Variants in DIDO1 observed in about 807,000 individuals in gnomAD.
DIDO1 encodes the protein death inducer-obliterator 1, also known as death-inducer obliterator 1.
A neutral mutation model predicts 99.4 loss-of-function variants in DIDO1; 16 were observed. The observed-to-expected ratio is 0.16, with a 90% CI of 0.11 to 0.24. DIDO1 has a LOEUF of 0.24. Ranked by LOEUF, DIDO1 falls within the 10% of genes least tolerant of loss-of-function variation. DIDO1 has a pLI of 1.00. For synonymous variants in DIDO1, 1,366 were observed against 1,239.1 expected (o/e 1.10, Z -2.15); for missense variants, 2,996 against 3,014.0 (o/e 0.99, Z 0.14).
intron 1 of DIDO1, among the ~76,000 whole-genome samples, chr20:62,935,336 A>G (rs2065371435): frequency 6.6e-6 from 1 of 152,182 alleles, no homozygotes; most frequent in Non-Finnish European, 1.5e-5. Context: ...CAACAAATAA[A>G]TATTTATGGA....
chr20:62,903,357 A>T (rs963374996), intron 6 of DIDO1, among the ~76,000 whole-genome samples: 1 of 152,218 alleles, frequency 6.6e-6, no homozygotes, highest in Non-Finnish European at 1.5e-5. Flanking sequence ...TGTGGGGAGC[A>T]GCAGCGGTAG....
chr20:62,905,366 G>A (rs2064778124), intron 6 of DIDO1: 3 of 1,445,456 alleles, frequency 2.1e-6, no homozygotes, highest in Non-Finnish European at 2.7e-6. Flanking sequence ...TATCTGCCCA[G>A]TCAAAAATAA....
rs2064461884 is a variant in DIDO1 at position 62,894,119 on chromosome 20, A to G, written c.2648T>C (p.Leu883Ser). The G allele has an allele frequency of 6.2e-7, 1 of 1,614,096 alleles. No homozygotes were observed. The highest frequency in any genetic ancestry group is 1.7e-5 in the Admixed American group (1 of 60,012). Residue 883 changes from leucine to serine, a missense_variant, in exon 12 of 16, where the codon TTA becomes TCA. Physicochemically the swap from Leu to Ser is moderately radical, Grantham distance 145. Around this residue, in one of 5 missense-constraint regions of DIDO1, gnomAD observed 898 missense variants for 972.7 expected, o/e 0.92. Coordinates refer to ENST00000395343, the MANE Select transcript of DIDO1 (RefSeq NM_001193369.2). The surrounding 1 kb of genome is among the most constrained non-coding windows in gnomAD (Gnocchi z 4.4). Reference sequence around the variant, plus strand: ...TGCAGAGCTGTCATGCTTTGATTTTAAGTCTTCTTTCTTAACAGAAGCTGA... The same window carrying G: ...TGCAGAGCTGTCATGCTTTGATTTTGAGTCTTCTTTCTTAACAGAAGCTGA... ...KLSASVKKED[L>S]KSKHDSSAPD... is the part of the protein sequence containing the mutation.
In DIDO1 at chr20:62,911,606, C is replaced by T. The variant is rs775414032; in HGVS notation, c.7G>A (p.Asp3Asn). The change falls in exon 3 of 16, where the codon GAC (aspartate) becomes AAC (asparagine). Residue 3 changes from aspartate to asparagine, a missense_variant. Transcript: ENST00000395343. This position sits in a 1 kb window ranked among gnomAD's most constrained non-coding sequence, Gnocchi z 7.0. Reference protein sequence around the residue: MDDKGDPSNEEAP... With the variant: MDNKGDPSNEEAP... ...TCCTCATTGCTCGGGTCGCCTTTGT[C>T]GTCCATACCTAGCGGTAAAGTGTAA... 1.7e-5 allele frequency: 27 copies of T among 1,571,434 alleles called. No individual in the cohort carries two copies. The highest frequency in any genetic ancestry group is 5.4e-5 in the African/African-American group (4 of 73,816).
At position 62,893,549 on chromosome 20, in the gene DIDO1, G is replaced by C. The variant is rs768871156; in HGVS notation, c.3101+117C>G. ...CTGGGGCTTTTTAAAAGATGAAAGA[G>C]TGAAGCTGTATTTCAGGTTACATTT... On this transcript the variant is annotated intron_variant, in intron 12 of 15. Coordinates refer to ENST00000395343, the MANE Select transcript of DIDO1 (RefSeq NM_001193369.2). 1,490 of 1,236,758 alleles carry C rather than the reference G, an allele frequency of 1.2e-3. 2 individuals are homozygous for C. The highest frequency in any genetic ancestry group is 1.5e-3 in the Non-Finnish European group (1,359 of 915,590). 76.6% of individuals were successfully genotyped at this position (1,236,758 alleles called of 1,614,324 possible).
chr20:62,887,348 T>C (rs1382092365), intron 15 of DIDO1: 1 of 985,342 alleles, frequency 1.0e-6, no homozygotes, highest in African/African-American at 1.7e-5. Flanking sequence ...AATGCTTACC[T>C]GACAATATTT....
rs2064184583 is a variant in DIDO1, at chr20:62,880,660, G to A, written c.5296C>T (p.Leu1766Phe). 1.2e-6 allele frequency: 2 copies of A among 1,612,842 alleles called. No individual in the cohort carries two copies. The highest frequency in any genetic ancestry group is 4.5e-5 in the East Asian group (2 of 44,872). ...PGPHALGMSG[L>F]HGPNFPGPRG... ...GGTCCCGGGAAATTGGGGCCGTGAAGCCCTGACATCCCCAAAGCATGAGGT... is the reference window on the plus strand; with the variant it reads ...GGTCCCGGGAAATTGGGGCCGTGAAACCCTGACATCCCCAAAGCATGAGGT... Residue 1766 changes from leucine to phenylalanine, a missense_variant, in exon 16 of 16, where the codon CTT (leucine) becomes TTT (phenylalanine). This residue lies in a region of DIDO1 where 1,562 missense variants were observed against 1,412.6 expected (regional missense o/e 1.11). Coordinates refer to ENST00000395343, the MANE Select transcript of DIDO1 (RefSeq NM_001193369.2).
intron 15 of DIDO1, among the ~76,000 whole-genome samples, chr20:62,882,883 CTCGTGCCACTGCCAGGAAGGT>C (rs1452856188): frequency 2.0e-5 from 3 of 150,858 alleles, no homozygotes; most frequent in Non-Finnish European, 4.4e-5. Flanking sequence ...TCTTCTTCCC[CTCGTGCCACTGCCAGGAAGGT>C]AACAAACAGC....
At chr20:62,914,147 A>G (rs2064998129) in intron 2 of DIDO1, 63 bp downstream of exon 2, 1 of 152,244 alleles carries the variant, frequency 6.6e-6, no homozygotes, top group Non-Finnish European at 1.5e-5. Flanking sequence ...GCCACTTTAT[A>G]AATAGCAAAT....
At chr20:62,895,187 T>G (rs1267811568) in intron 8 of DIDO1, 22 bp from the exon 9 acceptor site, 13 of 1,577,458 alleles carry the variant, frequency 8.2e-6, no homozygotes, top group African/African-American at 2.7e-5. Context: ...TATTTTTCAT[T>G]TACTCAAATA....
intron 1 of DIDO1, among the ~76,000 whole-genome samples, chr20:62,925,588 G>A (rs1025086815): frequency 5.3e-5 from 8 of 152,210 alleles, no homozygotes; most frequent in Non-Finnish European, 1.2e-4. Flanking sequence ...GTAAGCTACT[G>A]CTACCTGTGG....
intron 14 of DIDO1, 94 bp downstream of exon 14, chr20:62,891,893 A>T (rs2064406877): frequency 2.0e-6 from 2 of 999,964 alleles, no homozygotes; most frequent in African/African-American, 3.3e-5. Context: ...CTAACATTTT[A>T]AGTGTTAACC....
intron 1 of DIDO1, among the ~76,000 whole-genome samples, chr20:62,937,584 G>A (rs2065405264): frequency 6.6e-6 from 1 of 152,212 alleles, no homozygotes; most frequent in Non-Finnish European, 1.5e-5. Context: ...GTAAAGCGGG[G>A]GAACTCGCTT....
Position 62,881,620 on chromosome 20 carries a change from T to G in DIDO1, c.4336A>C (p.Asn1446His). Residue 1446 changes from asparagine to histidine, a missense_variant, in exon 16 of 16, where the codon AAC (asparagine) becomes CAC (histidine). Coordinates refer to ENST00000395343, the MANE Select transcript of DIDO1 (RefSeq NM_001193369.2). This position sits in a 1 kb window ranked among gnomAD's most constrained non-coding sequence, Gnocchi z 8.3. ...EAKVTVDDLP[N>H]RMCADVRRNS... ...CTTCTCACGTCGGCACACATCCTGT[T>G]GGGCAGGTCATCAACAGTCACTTTC... is the stretch of plus-strand genomic sequence containing the variant. The G allele has an allele frequency of 6.2e-7, 1 of 1,612,602 alleles. No individual in the cohort carries two copies. Among genetic ancestry groups the G allele is most frequent in the Non-Finnish European group, 8.5e-7 (1 of 1,180,020 alleles).
In DIDO1 at chr20:62,878,653, T is replaced by C. The variant is rs1436321980; in HGVS notation, c.*580A>G. On this transcript the variant is annotated 3_prime_UTR_variant, in exon 16 of 16. Coordinates refer to ENST00000395343, the MANE Select transcript of DIDO1 (RefSeq NM_001193369.2). ...TTTGGAAAAAATTGATAAGGTGATA[T>C]ATAAAATCTGAGCACGCTAAGAAAT... 1 of 152,246 alleles carries C rather than the reference T, an allele frequency of 6.6e-6. No homozygotes were observed. The highest frequency in any genetic ancestry group is 1.5e-5 in the Non-Finnish European group (1 of 68,048). The allele number at this position is 152,246 out of a possible 1,614,324, so 9.4% of individuals were successfully genotyped here.
At chr20:62,890,571 A>G in intron 15 of DIDO1, 1 of 1,028,768 alleles carries the variant, frequency 9.7e-7, no homozygotes, top group South Asian at 4.1e-5. Context: ...TCCCTGATGG[A>G]GCCACTTCCC....
At position 62,879,228 on chromosome 20, in the gene DIDO1, G is replaced by A; in HGVS notation, c.*5C>T. 6.7e-7 allele frequency: 1 copy of A among 1,491,204 alleles called. No individual in the cohort carries two copies. The highest frequency in any genetic ancestry group is 8.9e-7 in the Non-Finnish European group (1 of 1,126,184). 92.4% of individuals were successfully genotyped at this position (1,491,204 alleles called of 1,614,324 possible). A position where few individuals can be genotyped will look rare whatever the true frequency, so the allele number is the denominator to read the frequency against. On this transcript the variant is annotated 3_prime_UTR_variant, in exon 16 of 16. Coordinates refer to ENST00000395343, the MANE Select transcript of DIDO1 (RefSeq NM_001193369.2). The surrounding 1 kb of genome is among the most constrained non-coding windows in gnomAD (Gnocchi z 6.3). ...TTAAAAAGGGTCTCTGCCCGGCCGG[G>A]GCGTCTAGGCCTGCGAGGCGGTGCC...
At chr20:62,934,009 G>A (rs1051068977) in intron 1 of DIDO1, among the ~76,000 whole-genome samples, 2 of 152,218 alleles carry the variant, frequency 1.3e-5, no homozygotes, top group Non-Finnish European at 2.9e-5. Context: ...TTGCCCCTCA[G>A]CTGACTGTAA....
At chr20:62,890,453 A>G in intron 15 of DIDO1, 1 of 990,186 alleles carries the variant, frequency 1.0e-6, no homozygotes, top group Non-Finnish European at 1.2e-6. Context: ...AAGATGAATG[A>G]ACCTATTACA....
Sources: gnomAD v4.1 joint callset for allele counts (sites outside exome capture counted in the v4.1 genomes callset) on GRCh38, gnomAD v4.1.1 for gene constraint, gnomAD v4.1.1 regional missense constraint, Gnocchi (gnomAD v3.1) non-coding constraint, MANE v1.5 for transcripts, NCBI Gene and HGNC (gene_info 2026-07-23, HGNC 2026-07-21) for gene names.